Variants in DENND1B observed in about 807,000 individuals in gnomAD.
DENND1B encodes the protein DENN domain containing 1B, also known as DENN domain-containing protein 1B.
A neutral mutation model predicts 90.1 loss-of-function variants in DENND1B; 59 were observed. The observed-to-expected ratio is 0.65, with a 90% CI of 0.53 to 0.81. DENND1B has a LOEUF of 0.81. Among genes scored for constraint, DENND1B ranks in the 40% least tolerant of loss-of-function variants. The probability of loss-of-function intolerance (pLI) is 0.00; values close to 1 mark genes in which losing one functional copy is unlikely to be tolerated. For synonymous variants in DENND1B, 337 were observed against 324.6 expected (o/e 1.04, Z -0.41); for missense variants, 862 against 912.6 (o/e 0.94, Z 0.71).
At chr1:197,528,616 T>C (rs1277557300) in intron 20 of DENND1B, among the ~76,000 whole-genome samples, 1 of 152,116 alleles carries the variant, frequency 6.6e-6, no homozygotes, top group African/African-American at 2.4e-5. Flanking sequence ...ATCCCAGCAC[T>C]TTGGGAGGCC....
chr1:197,517,797 C>T (rs866125835), intron 20 of DENND1B, among the ~76,000 whole-genome samples: 4 of 151,962 alleles, frequency 2.6e-5, no homozygotes, highest in Middle Eastern at 6.8e-3. Flanking sequence ...AAGATGTTTG[C>T]TCCACACTAC....
intron 2 of DENND1B, among the ~76,000 whole-genome samples, chr1:197,731,669 A>G (rs1030697836): frequency 4.6e-5 from 7 of 152,176 alleles, no homozygotes; most frequent in Admixed American, 4.6e-4. Context: ...GAATCATCTC[A>G]GGCCCCACAT....
intron 5 of DENND1B, among the ~76,000 whole-genome samples, chr1:197,668,495 A>G (rs1381575450): frequency 4.6e-5 from 7 of 151,690 alleles, no homozygotes; most frequent in Admixed American, 2.6e-4. Context: ...TTTATTTTTT[A>G]TTATTTCTTT....
chr1:197,611,951 T>C lies in DENND1B; in HGVS notation c.799A>G (p.Ile267Val), dbSNP rs760796868. 6.2e-7 allele frequency: 1 copy of C among 1,604,180 alleles called. No individual in the cohort carries two copies. Among genetic ancestry groups the C allele is most frequent in the Non-Finnish European group, 8.5e-7 (1 of 1,173,328 alleles). ...CTCACCTCTATGAGGCTGGAGTGTA[T>C]TCCAATCAGGTATGGCATTGGGGCA... is the stretch of plus-strand genomic sequence containing the variant. ...CCAPMPYLIG[I>V]HSSLIERVKN... The change falls in exon 12 of 23, where the codon ATA becomes GTA. Residue 267 changes from isoleucine to valine, a missense_variant. Transcript: ENST00000620048.
intron 10 of DENND1B, among the ~76,000 whole-genome samples, chr1:197,632,275 T>G (rs949166599): frequency 2.6e-5 from 4 of 152,134 alleles, no homozygotes; most frequent in Non-Finnish European, 5.9e-5. Flanking sequence ...AATTAGCAAA[T>G]GTGATTCTTC....
At chr1:197,749,166 T>C (rs1302217997) in intron 2 of DENND1B, among the ~76,000 whole-genome samples, 1 of 151,974 alleles carries the variant, frequency 6.6e-6, no homozygotes, top group Non-Finnish European at 1.5e-5. Flanking sequence ...ACTATCAGTC[T>C]AACACACATG....
At chr1:197,553,156 T>C in intron 15 of DENND1B, 44 bp from the exon 16 acceptor site, 1 of 1,427,044 alleles carries the variant, frequency 7.0e-7, no homozygotes. Flanking sequence ...AATAAAATGT[T>C]ATCCAATAAA....
intron 2 of DENND1B, among the ~76,000 whole-genome samples, chr1:197,726,390 T>C (rs1055792088): frequency 3.6e-4 from 55 of 152,142 alleles, no homozygotes; most frequent in African/African-American, 1.3e-3. Context: ...TCACATGACA[T>C]TAAAACTGCA....
chr1:197,551,637 T>C (rs1216091247), intron 16 of DENND1B, among the ~76,000 whole-genome samples: 1 of 152,120 alleles, frequency 6.6e-6, no homozygotes, highest in East Asian at 1.9e-4. Flanking sequence ...AAAAGGATCA[T>C]AGTTCTAGCC....
chr1:197,599,243 G>C (rs984162683), intron 13 of DENND1B, among the ~76,000 whole-genome samples: 1 of 151,672 alleles, frequency 6.6e-6, no homozygotes, highest in African/African-American at 2.4e-5. Context: ...CATAAAAGGG[G>C]GTTGAGTTTT....
At chr1:197,511,698 A>G (rs1558187228) in intron 22 of DENND1B, 30 bp downstream of exon 22, 2 of 1,531,216 alleles carry the variant, frequency 1.3e-6, no homozygotes, top group African/African-American at 1.4e-5. Context: ...ATTTTCTTCT[A>G]ATTTTATAAG....
At chr1:197,725,012 A>C (rs1278945639) in intron 2 of DENND1B, among the ~76,000 whole-genome samples, 3 of 152,124 alleles carry the variant, frequency 2.0e-5, no homozygotes, top group Non-Finnish European at 4.4e-5. Flanking sequence ...ATCAGACCAA[A>C]GATACCAGAC....
At chr1:197,770,640 ATC>A (rs945834042) in intron 2 of DENND1B, among the ~76,000 whole-genome samples, 4 of 38,394 alleles carry the variant, frequency 1.0e-4, no homozygotes, top group Non-Finnish European at 1.7e-4. Flanking sequence ...AAAAATATAT[ATC>A]TATAAATATA....
intron 13 of DENND1B, chr1:197,606,449 A>G (rs1283665886): frequency 6.6e-6 from 1 of 151,290 alleles, no homozygotes; most frequent in Non-Finnish European, 1.5e-5. Context: ...GCTCTGCCAA[A>G]GCAAATGACA....
intron 3 of DENND1B, among the ~76,000 whole-genome samples, chr1:197,696,366 T>C (rs1342007489): frequency 6.6e-6 from 1 of 151,600 alleles, no homozygotes; most frequent in Non-Finnish European, 1.5e-5. Flanking sequence ...ATGTAACATA[T>C]GCACTTTTCT....
At chr1:197,537,222 C>G (rs1669977891) in intron 20 of DENND1B, among the ~76,000 whole-genome samples, 1 of 152,106 alleles carries the variant, frequency 6.6e-6, no homozygotes. Context: ...CATCACAATT[C>G]TAAACATGTA....
At chr1:197,748,876 A>G (rs1327268195) in intron 2 of DENND1B, among the ~76,000 whole-genome samples, 1 of 152,242 alleles carries the variant, frequency 6.6e-6, no homozygotes, top group African/African-American at 2.4e-5. Flanking sequence ...TATTAAAACT[A>G]CATCTAAGTA....
chr1:197,594,531 A>G (rs184492916), intron 14 of DENND1B, among the ~76,000 whole-genome samples: 1 of 152,280 alleles, frequency 6.6e-6, no homozygotes. Context: ...TCACCCAGTG[A>G]AGGAAGAATA....
At position 197,707,663 on chromosome 1, in the gene DENND1B, TATATAATATAATAATATA is replaced by T. The variant is rs199995520; in HGVS notation, c.126+7350_126+7367del. On this transcript the variant is annotated intron_variant, in intron 3 of 22. Coordinates refer to ENST00000620048, the MANE Select transcript of DENND1B (RefSeq NM_001195215.2). Reference sequence around the variant, plus strand: ...ATATAATATACATATATTATATACATATATAATATAATAATATAATATAATATAATATAATTATTATAT... The same window carrying T: ...ATATAATATACATATATTATATACATATATAATATAATATAATTATTATAT... 3.5e-3 allele frequency among the ~76,000 whole-genome samples: 515 copies of T among 146,450 alleles called. 1 individual carries two copies. Among genetic ancestry groups the T allele is most frequent in the Middle Eastern group, 7.2e-3 (2 of 278 alleles).
Sources: gnomAD v4.1 joint callset for allele counts (sites outside exome capture counted in the v4.1 genomes callset) on GRCh38, gnomAD v4.1.1 for gene constraint, MANE v1.5 for transcripts, NCBI Gene and HGNC (gene_info 2026-07-23, HGNC 2026-07-21) for gene names.